Variants in STAU2 observed in about 807,000 individuals in gnomAD.
STAU2 encodes double-stranded RNA-binding protein Staufen homolog 2.
A neutral mutation model predicts 65.9 loss-of-function variants in STAU2; 20 were observed. That is an observed-to-expected ratio of 0.30 (90% CI 0.21 to 0.44). STAU2 has a LOEUF of 0.44. Among genes scored for constraint, STAU2 ranks in the 20% least tolerant of loss-of-function variants. The pLI is 1.00. For synonymous variants in STAU2, 232 were observed against 233.9 expected, an observed-to-expected ratio of 0.99 and a Z score of 0.07; for missense variants, 558 against 683.9, an observed-to-expected ratio of 0.82 and a Z score of 2.05.
intron 12 of STAU2, among the ~76,000 whole-genome samples, chr8:73,554,702 T>C (rs575915811): frequency 2.0e-5 from 3 of 152,362 alleles, no homozygotes; most frequent in African/African-American, 7.2e-5. Context: ...ATTGCTGTGT[T>C]CCAGGGCTTC....
intron 13 of STAU2, among the ~76,000 whole-genome samples, chr8:73,543,479 T>G (rs886897506): frequency 3.9e-5 from 6 of 152,220 alleles, no homozygotes; most frequent in Non-Finnish European, 8.8e-5. Flanking sequence ...AGACACTAAG[T>G]CATGGTTTAT....
chr8:73,658,828 G>A (rs527315713), intron 6 of STAU2, among the ~76,000 whole-genome samples: 10 of 151,644 alleles, frequency 6.6e-5, no homozygotes, highest in South Asian at 6.3e-4. Context: ...CAGAAGAATC[G>A]CTTGAACCTG....
rs142043134 is a variant in STAU2 at position 73,646,938 on chromosome 8, GACACACACAC to G, written c.410+26159_410+26168del. 7.9e-4 allele frequency among the ~76,000 whole-genome samples: 114 copies of G among 144,062 alleles called. 1 individual carries two copies. The highest frequency in any genetic ancestry group is 2.3e-3 in the African/African-American group (91 of 39,490). 94.5% of individuals were successfully genotyped at this position (144,062 alleles called of 152,430 possible). ...ATATTTCACCAAAGACACACAGCCA[GACACACACAC>G]ACACACACACACACACACACACACA... On this transcript the variant is annotated intron_variant, in intron 6 of 14. Transcript: ENST00000524300.
At chr8:73,559,336 G>A (rs1382576055) in intron 12 of STAU2, among the ~76,000 whole-genome samples, 2 of 152,198 alleles carry the variant, frequency 1.3e-5, no homozygotes, top group Non-Finnish European at 2.9e-5. Context: ...GGGTGGTGAT[G>A]GGGACACCAA....
chr8:73,724,967 A>G (rs1805522551), intron 3 of STAU2, among the ~76,000 whole-genome samples: 1 of 152,242 alleles, frequency 6.6e-6, no homozygotes, highest in Admixed American at 6.5e-5. Context: ...GGATACAGGC[A>G]TGAGCCACCA....
intron 13 of STAU2, among the ~76,000 whole-genome samples, chr8:73,476,120 A>G (rs180762262): frequency 9.8e-5 from 15 of 152,308 alleles, no homozygotes; most frequent in African/African-American, 2.9e-4. Flanking sequence ...ATTGTTACCA[A>G]TGGGAGCGAT....
At chr8:73,510,611 G>A (rs1300258262) in intron 13 of STAU2, among the ~76,000 whole-genome samples, 1 of 152,188 alleles carries the variant, frequency 6.6e-6, no homozygotes, top group African/African-American at 2.4e-5. Flanking sequence ...CAGCATGACT[G>A]GGGAGGCCTC....
At chr8:73,443,448 G>C (rs1161090304) in intron 13 of STAU2, among the ~76,000 whole-genome samples, 3 of 152,236 alleles carry the variant, frequency 2.0e-5, no homozygotes, top group Non-Finnish European at 4.4e-5. Context: ...AAAGCAACAA[G>C]GCAATATCCT....
chr8:73,639,066 T>G (rs1021151237), intron 6 of STAU2, among the ~76,000 whole-genome samples: 21 of 152,042 alleles, frequency 1.4e-4, no homozygotes, highest in African/African-American at 4.8e-4. Context: ...TAACCATTAT[T>G]TTGATACAAA....
At chr8:73,725,998 G>A (rs1013552038) in intron 3 of STAU2, among the ~76,000 whole-genome samples, 11 of 147,844 alleles carry the variant, frequency 7.4e-5, no homozygotes, top group Middle Eastern at 3.4e-3. Flanking sequence ...ATTATGATGT[G>A]CGTGGTTAGG....
At chr8:73,686,930 T>G (rs1339568862) in intron 5 of STAU2, among the ~76,000 whole-genome samples, 1 of 148,998 alleles carries the variant, frequency 6.7e-6, no homozygotes, top group Non-Finnish European at 1.5e-5. Context: ...TCTTGCTCTG[T>G]CGCCCAGGCT....
At chr8:73,571,649 T>G (rs1004232712) in intron 12 of STAU2, among the ~76,000 whole-genome samples, 1 of 152,180 alleles carries the variant, frequency 6.6e-6, no homozygotes, top group Non-Finnish European at 1.5e-5. Context: ...GAATGACTAC[T>G]GGGTACATAA....
intron 13 of STAU2, among the ~76,000 whole-genome samples, chr8:73,492,670 A>G (rs542676527): frequency 1.3e-4 from 20 of 152,006 alleles, no homozygotes; most frequent in African/African-American, 4.1e-4. Context: ...TGGTATGAGG[A>G]AACAGGTACT....
intron 3 of STAU2, among the ~76,000 whole-genome samples, chr8:73,712,252 G>C (rs1352608489): frequency 6.6e-6 from 1 of 152,136 alleles, no homozygotes; most frequent in East Asian, 1.9e-4. Context: ...GACCTACTTA[G>C]AAGTAAATAA....
rs57076627 is a variant in STAU2 at position 73,626,074 on chromosome 8, T to TACACACAC, written c.411-8631_411-8624dup. On this transcript the variant is annotated intron_variant, in intron 6 of 14. Coordinates refer to ENST00000524300, the MANE Select transcript of STAU2 (RefSeq NM_001164380.2). ...AAACTATCAATCAAGTAAGTACACA[T>TACACACAC]ACACACACACACACACACACACACA... Among the ~76,000 whole-genome samples, 594 of 146,160 alleles carry TACACACAC rather than the reference T, an allele frequency of 4.1e-3. 2 individuals are homozygous for TACACACAC. Among genetic ancestry groups the TACACACAC allele is most frequent in the South Asian group, 9.1e-3 (42 of 4,600 alleles).
At chr8:73,501,107 T>C (rs1364008424) in intron 13 of STAU2, among the ~76,000 whole-genome samples, 2 of 151,880 alleles carry the variant, frequency 1.3e-5, no homozygotes, top group Admixed American at 1.3e-4. Flanking sequence ...AATAAGAGAC[T>C]GATGTAATCT....
intron 6 of STAU2, among the ~76,000 whole-genome samples, chr8:73,670,955 G>A (rs1378672977): frequency 6.6e-6 from 1 of 151,764 alleles, no homozygotes; most frequent in Non-Finnish European, 1.5e-5. Flanking sequence ...TTTAAAGCAG[G>A]AAAATTACAA....
intron 13 of STAU2, among the ~76,000 whole-genome samples, chr8:73,519,933 C>G (rs972226581): frequency 6.6e-6 from 1 of 152,086 alleles, no homozygotes; most frequent in African/African-American, 2.4e-5. Context: ...AGATAGAGCT[C>G]AAAGGAAGCA....
At chr8:73,585,823 A>T (rs1222761489) in intron 11 of STAU2, among the ~76,000 whole-genome samples, 1 of 152,226 alleles carries the variant, frequency 6.6e-6, no homozygotes, top group East Asian at 1.9e-4. Flanking sequence ...CCACGTCTCA[A>T]GGGTGGAACC....
Sources: allele counts gnomAD v4.1 joint callset (sites outside exome capture counted in the v4.1 genomes callset), GRCh38; gene constraint gnomAD v4.1.1; transcripts MANE v1.5; gene names NCBI Gene and HGNC (gene_info 2026-07-23, HGNC 2026-07-21).